CLDN10: variants seen among roughly 807,000 people sequenced by gnomAD.
The protein encoded by CLDN10 is claudin 10, also known as claudin-10.
In CLDN10, 15 loss-of-function variants were observed where a neutral mutation model predicts 22.9. That is an observed-to-expected ratio of 0.65 (90% CI 0.44 to 1.01). CLDN10 has a LOEUF of 1.01. Among genes scored for constraint, CLDN10 ranks in the 50% least tolerant of loss-of-function variants. CLDN10 has a pLI of 0.00. For missense variants in CLDN10, 247 were observed against 287.8 expected (o/e 0.86, Z 1.03); for synonymous variants, 114 against 111.4 (o/e 1.02, Z -0.15).
chr13:95,493,526 C>T (rs1477744786), intron 1 of CLDN10, among the ~76,000 whole-genome samples: 2 of 151,072 alleles, frequency 1.3e-5, no homozygotes, highest in Non-Finnish European at 2.9e-5. Context: ...GAATCTGACA[C>T]TCTAGATACC....
chr13:95,509,115 A>C (rs1478988486), intron 1 of CLDN10, among the ~76,000 whole-genome samples: 2 of 152,210 alleles, frequency 1.3e-5, no homozygotes, highest in Non-Finnish European at 2.9e-5. Flanking sequence ...GATGTAAGGC[A>C]GTAACAGAAG....
At chr13:95,467,742 GC>G (rs1338987700) in intron 1 of CLDN10, among the ~76,000 whole-genome samples, 3 of 152,312 alleles carry the variant, frequency 2.0e-5, no homozygotes, top group African/African-American at 7.2e-5. Context: ...CCCAAGATCT[GC>G]AGCCAACCAC....
chr13:95,577,954 T>G lies in CLDN10; in HGVS notation c.627T>G (p.Gly209=), dbSNP rs2043960351. 2 of 1,613,830 alleles carry G rather than the reference T, an allele frequency of 1.2e-6. No homozygotes were observed. Among genetic ancestry groups the G allele is most frequent in the African/African-American group, 1.3e-5 (1 of 74,916 alleles). Reference sequence around the variant, plus strand: ...TGTCTTCTCGGACAAAGTATCATGGTGGAGAAGATTTTAAAACAACAAACC... The same window carrying G: ...TGTCTTCTCGGACAAAGTATCATGGGGGAGAAGATTTTAAAACAACAAACC... ...SVMSSRTKYH[G]GEDFKTTNPS... is the part of the protein sequence containing the mutation. The change falls in exon 5 of 5, where the codon GGT becomes GGG. Residue 209 remains glycine (G), a synonymous_variant. Coordinates refer to ENST00000299339, the MANE Select transcript of CLDN10 (RefSeq NM_006984.5).
intron 1 of CLDN10, among the ~76,000 whole-genome samples, chr13:95,556,052 C>G (rs1286382401): frequency 2.7e-5 from 4 of 146,438 alleles, no homozygotes; most frequent in Non-Finnish European, 6.1e-5. Context: ...AATTTCTTTT[C>G]TTTTTTTTTT....
At chr13:95,465,466 T>A (rs1206435693) in intron 1 of CLDN10, among the ~76,000 whole-genome samples, 1 of 152,202 alleles carries the variant, frequency 6.6e-6, no homozygotes, top group African/African-American at 2.4e-5. Flanking sequence ...ATGCTGAGAC[T>A]TTAAGGTTAA....
In CLDN10 at chr13:95,441,061, G is replaced by T. The variant is rs569767690; in HGVS notation, c.214+7014G>T. On this transcript the variant is annotated intron_variant, in intron 1 of 4. Transcript: ENST00000376873. ...TATCCTGGTCTCCCCCGTACCTACT[G>T]CTGTGTCTGGCTTAGAAGGCACTCA... is the stretch of plus-strand genomic sequence containing the variant. 9.8e-5 allele frequency among the ~76,000 whole-genome samples: 15 copies of T among 152,306 alleles called. 4 individuals carry two copies. The highest frequency in any genetic ancestry group is 3.4e-4 in the African/African-American group (14 of 41,556).
At chr13:95,446,871 T>A (rs2042385816) in intron 1 of CLDN10, among the ~76,000 whole-genome samples, 1 of 151,866 alleles carries the variant, frequency 6.6e-6, no homozygotes, top group Admixed American at 6.6e-5. Context: ...ATAATTAATA[T>A]AAGAAACACA....
chr13:95,514,517 A>C (rs564067459), intron 1 of CLDN10, among the ~76,000 whole-genome samples: 1 of 151,878 alleles, frequency 6.6e-6, no homozygotes, highest in Non-Finnish European at 1.5e-5. Flanking sequence ...TATGGAGATA[A>C]TATTTAAACA....
At chr13:95,549,114 C>T (rs1484822480), upstream of CLDN10, among the ~76,000 whole-genome samples, 2 of 152,160 alleles carry the variant, frequency 1.3e-5, no homozygotes, top group African/African-American at 4.8e-5. Flanking sequence ...TGTTTGAGGG[C>T]ATTGTATGTC....
Position 95,471,453 on chromosome 13 carries a change from A to ATTT in CLDN10, c.214+37421_214+37423dup, listed in dbSNP as rs1555289822. ...CACACACACACACATATATATATAT[A>ATTT]TTTTTTTTTTTTTTTTTGAGATGGA... On this transcript the variant is annotated intron_variant, in intron 1 of 4. Transcript: ENST00000376873. Among the ~76,000 whole-genome samples the ATTT allele has an allele frequency of 7.0e-4, 74 of 106,386 alleles. 1 individual carries two copies. The highest frequency in any genetic ancestry group is 3.6e-3 in the South Asian group (11 of 3,064). The allele number at this position is 106,386 out of a possible 152,430, so 69.8% of individuals were successfully genotyped here.
chr13:95,565,386 A>G (rs2043772450), intron 3 of CLDN10, among the ~76,000 whole-genome samples: 2 of 152,196 alleles, frequency 1.3e-5, no homozygotes, highest in South Asian at 4.1e-4. Flanking sequence ...AGTAGAACAG[A>G]ATTGTTGTCT....
At chr13:95,449,869 G>T (rs565057816) in intron 1 of CLDN10, among the ~76,000 whole-genome samples, 1 of 150,226 alleles carries the variant, frequency 6.7e-6, no homozygotes, top group Non-Finnish European at 1.5e-5. Context: ...TCAGCCTCCC[G>T]AGTAGCTGGG....
At position 95,578,313 on chromosome 13, in the gene CLDN10, T is replaced by G. The variant is rs1033053375; in HGVS notation, c.*299T>G. ...CCAAAGGTTCAAGAAGTATTCGTAC[T>G]CTAGCCTTTTTAATCATTCATAGAT... On this transcript the variant is annotated 3_prime_UTR_variant, in exon 5 of 5. Transcript: ENST00000299339. 2.0e-5 allele frequency: 4 copies of G among 197,690 alleles called. No individual in the cohort carries two copies. Among genetic ancestry groups the G allele is most frequent in the African/African-American group, 9.4e-5 (4 of 42,568 alleles). 12.2% of individuals were successfully genotyped at this position (197,690 alleles called of 1,614,324 possible).
intron 1 of CLDN10, among the ~76,000 whole-genome samples, chr13:95,526,568 G>A (rs2043283082): frequency 6.6e-6 from 1 of 152,092 alleles, no homozygotes; most frequent in Non-Finnish European, 1.5e-5. Flanking sequence ...AGAACCAAAT[G>A]TAGAAAAATG....
rs1176520834 is a variant in CLDN10, at chr13:95,489,373, T to C, written c.214+55326T>C. Among the ~76,000 whole-genome samples the C allele has an allele frequency of 5.3e-5, 8 of 152,296 alleles. No homozygotes were observed. The East Asian group carries it at 1.3e-3, about 26-fold the overall frequency. ...AAGGGTTCCCTGTTCACTGCACCCA[T>C]GCCAACGTCTACTGGTTTTTTTTTT... is the stretch of plus-strand genomic sequence containing the variant. On this transcript the variant is annotated intron_variant, in intron 1 of 4. Transcript: ENST00000376873.
intron 1 of CLDN10, among the ~76,000 whole-genome samples, chr13:95,515,213 T>A (rs965609780): frequency 6.7e-6 from 1 of 148,692 alleles, no homozygotes; most frequent in African/African-American, 2.5e-5. Flanking sequence ...TGTTGTTGTT[T>A]TTTGAGACAG....
chr13:95,442,026 C>T (rs1475129896), intron 1 of CLDN10, among the ~76,000 whole-genome samples: 1 of 152,100 alleles, frequency 6.6e-6, no homozygotes, highest in Non-Finnish European at 1.5e-5. Flanking sequence ...TGGTGGGCAC[C>T]TATAGTCCCA....
intron 1 of CLDN10, among the ~76,000 whole-genome samples, chr13:95,465,364 G>T (rs1364810638): frequency 6.6e-6 from 1 of 152,096 alleles, no homozygotes; most frequent in Non-Finnish European, 1.5e-5. Flanking sequence ...CATATCACAG[G>T]TGTACCATGC....
rs147252355 is a variant in CLDN10 at position 95,546,926 on chromosome 13, C to G, written c.215-13206C>G. Among the ~76,000 whole-genome samples, 865 of 152,250 alleles carry G rather than the reference C, an allele frequency of 5.7e-3. 11 individuals are homozygous for G. The highest frequency in any genetic ancestry group is 0.02 in the African/African-American group (825 of 41,552). ...CTTTGCAGTTTCTGTTCCCCTTACTCTCTCTGCCTTATCATTGGTCACTTC... is the reference window on the plus strand; with the variant it reads ...CTTTGCAGTTTCTGTTCCCCTTACTGTCTCTGCCTTATCATTGGTCACTTC... On this transcript the variant is annotated intron_variant, in intron 1 of 4. Coordinates refer to the CLDN10 transcript ENST00000376873.
Sources: allele counts gnomAD v4.1 joint callset (sites outside exome capture counted in the v4.1 genomes callset), GRCh38; gene constraint gnomAD v4.1.1; transcripts MANE v1.5; gene names NCBI Gene and HGNC (gene_info 2026-07-23, HGNC 2026-07-21).